Variants in STN1 observed in about 807,000 individuals in gnomAD.
STN1 encodes STN1 subunit of CST complex.
Under a neutral mutation model 45.5 loss-of-function variants are expected in STN1, and 29 were observed. The ratio of observed to expected loss-of-function variants is 0.64; its 90% CI spans 0.47 to 0.87. The LOEUF is 0.87. STN1 is among the 40% of genes least tolerant of loss of function. STN1 has a pLI of 0.00. For missense variants in STN1, 376 were observed against 441.4 expected, an observed-to-expected ratio of 0.85 and a Z score of 1.33; for synonymous variants, 148 against 159.0, an observed-to-expected ratio of 0.93 and a Z score of 0.52.
At chr10:103,907,877 T>A (rs1316788242) in intron 3 of STN1, among the ~76,000 whole-genome samples, 2 of 151,258 alleles carry the variant, frequency 1.3e-5, no homozygotes, top group African/African-American at 4.9e-5. Context: ...GCCTGTAATC[T>A]CAGCACTTTG....
intron 7 of STN1, among the ~76,000 whole-genome samples, chr10:103,893,004 C>T (rs961578247): frequency 6.6e-6 from 1 of 152,198 alleles, no homozygotes; most frequent in Non-Finnish European, 1.5e-5. Flanking sequence ...TTTGTTTCAT[C>T]TTGGCCACCT....
chr10:103,905,195 G>A (rs1471746784), intron 3 of STN1, 39 bp from the exon 4 acceptor site: 1 of 1,570,350 alleles, frequency 6.4e-7, no homozygotes, highest in East Asian at 2.2e-5. Context: ...AGAGATTTGG[G>A]CAAGGCTGGT....
intron 2 of STN1, among the ~76,000 whole-genome samples, chr10:103,914,364 A>ATT (rs1564636156): frequency 5.7e-4 from 5 of 8,722 alleles, no homozygotes; most frequent in African/African-American, 1.7e-3. Context: ...ATATATATAT[A>ATT]TATATATATA....
intron 9 of STN1, among the ~76,000 whole-genome samples, chr10:103,888,215 A>T (rs1332951198): frequency 6.6e-6 from 1 of 152,152 alleles, no homozygotes; most frequent in Non-Finnish European, 1.5e-5. Flanking sequence ...TCACCCACTG[A>T]CTCAACCTGG....
At chr10:103,886,759 T>C (rs1430356884) in intron 9 of STN1, among the ~76,000 whole-genome samples, 2 of 152,210 alleles carry the variant, frequency 1.3e-5, no homozygotes, top group African/African-American at 2.4e-5. Flanking sequence ...TAAATGCCAA[T>C]TCATTTACTT....
chr10:103,901,200 C>T (rs1843208094), intron 4 of STN1, among the ~76,000 whole-genome samples: 1 of 152,162 alleles, frequency 6.6e-6, no homozygotes, highest in Non-Finnish European at 1.5e-5. Context: ...TTCTGTTTTC[C>T]TGTCTAGCAT....
chr10:103,892,283 G>A, intron 7 of STN1, 31 bp from the exon 8 acceptor site: 1 of 1,571,262 alleles, frequency 6.4e-7, no homozygotes, highest in Non-Finnish European at 8.6e-7. Flanking sequence ...AAAAAGAAAA[G>A]AAATAAGTCT....
At chr10:103,891,742 G>A (rs769365283) in intron 8 of STN1, among the ~76,000 whole-genome samples, 10 of 152,032 alleles carry the variant, frequency 6.6e-5, no homozygotes, top group Admixed American at 1.3e-4. Flanking sequence ...GTTATCTCTC[G>A]GTATACTCAG....
chr10:103,910,624 TA>T lies in STN1; in HGVS notation c.134-3del. The T allele has an allele frequency of 1.9e-6, 3 of 1,575,640 alleles. No homozygotes were observed. Among genetic ancestry groups the T allele is most frequent in the Non-Finnish European group, 2.6e-6 (3 of 1,148,642 alleles). Reference sequence around the variant, plus strand: ...GATGTCCATTGTACAAAAATACACCTAAAATTTAAAAAAAGCAAAGTCGACA... The same window carrying T: ...GATGTCCATTGTACAAAAATACACCTAAATTTAAAAAAAGCAAAGTCGACA... On this transcript the variant is annotated splice_polypyrimidine_tract_variant and splice_region_variant and intron_variant, in intron 2 of 9. Coordinates refer to ENST00000224950, the MANE Select transcript of STN1 (RefSeq NM_024928.5).
At position 103,900,135 on chromosome 10, in the gene STN1, G is replaced by A. The variant is rs770409096; in HGVS notation, c.384C>T (p.Ile128=). 6 of 1,614,090 alleles carry A rather than the reference G, an allele frequency of 3.7e-6. No homozygotes were observed. In the South Asian group the frequency reaches 4.4e-5, roughly 12 times the overall value. The change falls in exon 5 of 10, where the codon ATC becomes ATT. Residue 128 remains isoleucine, a synonymous_variant. Coordinates refer to ENST00000224950, the MANE Select transcript of STN1 (RefSeq NM_024928.5). ...TGCCTCTGACTCGGATCGTGTCCCC[G>A]ATCTCTATCTTTGTTTTCTGCTCAA... ...ETIEQKTKIE[I]GDTIRVRGSI...
chr10:103,914,374 A>ATATTTTTTTTTT (rs1554837551), intron 2 of STN1, among the ~76,000 whole-genome samples: 9 of 97,360 alleles, frequency 9.2e-5, no homozygotes, highest in Admixed American at 1.2e-4. Flanking sequence ...ATATATATAT[A>ATATTTTTTTTTT]TTTTTTTTTT....
intron 6 of STN1, among the ~76,000 whole-genome samples, chr10:103,898,001 A>C (rs1392794781): frequency 6.6e-6 from 1 of 152,172 alleles, no homozygotes; most frequent in Non-Finnish European, 1.5e-5. Flanking sequence ...GGAAACCCAC[A>C]AAATCTATGG....
intron 3 of STN1, among the ~76,000 whole-genome samples, chr10:103,906,243 A>G (rs548939250): frequency 1.7e-4 from 26 of 152,362 alleles, no homozygotes; most frequent in African/African-American, 5.8e-4. Flanking sequence ...GTGGGGTGAG[A>G]CTTCTTTAAG....
chr10:103,884,970 T>C (rs1270863666), intron 9 of STN1, among the ~76,000 whole-genome samples: 1 of 152,132 alleles, frequency 6.6e-6, no homozygotes, highest in Non-Finnish European at 1.5e-5. Flanking sequence ...ACACCTACTA[T>C]GTGTGCATTG....
intron 2 of STN1, among the ~76,000 whole-genome samples, chr10:103,914,706 C>T (rs1230996247): frequency 6.6e-6 from 1 of 151,822 alleles, no homozygotes; most frequent in Admixed American, 6.6e-5. Context: ...CAAAAAGAAC[C>T]CACACAAATC....
At position 103,880,294 on chromosome 10, in the gene STN1, G is replaced by GT. The variant is rs1843059797; in HGVS notation, c.*2389dup. 1.3e-5 allele frequency among the ~76,000 whole-genome samples: 2 copies of GT among 152,240 alleles called. No individual in the cohort carries two copies. The highest frequency in any genetic ancestry group is 2.9e-5 in the Non-Finnish European group (2 of 68,042). ...GAATGGGGGGAGGGGCAGGCTGTAG[G>GT]TATTACTGGAAAAGGCAACATTCGA... On this transcript the variant is annotated 3_prime_UTR_variant, in exon 10 of 10. Transcript: ENST00000224950.
chr10:103,908,998 C>T (rs1407345642), intron 3 of STN1, among the ~76,000 whole-genome samples: 1 of 151,742 alleles, frequency 6.6e-6, no homozygotes, highest in Admixed American at 6.6e-5. Context: ...CAGAATGGAC[C>T]CACAAATCTC....
intron 1 of STN1, 116 bp from the exon 2 acceptor site, chr10:103,917,772 C>T (rs1381445979): frequency 1.7e-6 from 1 of 589,222 alleles, no homozygotes; most frequent in Non-Finnish European, 2.9e-6. Flanking sequence ...ACGCAGGGAT[C>T]CAGGGCCCTG....
chr10:103,886,393 C>T (rs1409686628), intron 9 of STN1, among the ~76,000 whole-genome samples: 1 of 124,918 alleles, frequency 8.0e-6, no homozygotes, highest in African/African-American at 2.7e-5. Flanking sequence ...TTGTACCAGT[C>T]TTTTAATTTT....
Sources: gnomAD v4.1 joint callset for allele counts (sites outside exome capture counted in the v4.1 genomes callset) on GRCh38, gnomAD v4.1.1 for gene constraint, MANE v1.5 for transcripts, NCBI Gene and HGNC (gene_info 2026-07-23, HGNC 2026-07-21) for gene names.